PHACTR3: variants seen among roughly 807,000 people sequenced by gnomAD.
PHACTR3 encodes the protein phosphatase and actin regulator 3, also known as protein phosphatase 1, regulatory subunit 123.
A neutral mutation model predicts 66.8 loss-of-function variants in PHACTR3; 16 were observed. The observed-to-expected ratio is 0.24, with a 90% CI of 0.16 to 0.36. PHACTR3 has a LOEUF of 0.36. PHACTR3 is among the 10% of genes least tolerant of loss of function. The pLI is 1.00. For missense variants in PHACTR3, 647 were observed against 719.9 expected (o/e 0.90, Z 1.16); for synonymous variants, 323 against 292.1 (o/e 1.11, Z -1.08).
intron 8 of PHACTR3, among the ~76,000 whole-genome samples, chr20:59,819,250 G>C (rs2047341122): frequency 6.6e-6 from 1 of 150,744 alleles, no homozygotes; most frequent in South Asian, 2.2e-4. Context: ...CCCACAGGCA[G>C]ATAAGAGGAA....
Position 59,782,290 on chromosome 20 carries a change from T to A in PHACTR3, c.1174+7800T>A, listed in dbSNP as rs546237583. ...TTTCTAAGACAGAGTCTTGCTCTGTTGCCCAGGCTGGAGTATCGTGGCACG... is the reference window on the plus strand; with the variant it reads ...TTTCTAAGACAGAGTCTTGCTCTGTAGCCCAGGCTGGAGTATCGTGGCACG... On this transcript the variant is annotated intron_variant, in intron 7 of 12. Transcript: ENST00000371015. 7.1e-3 allele frequency among the ~76,000 whole-genome samples: 1,076 copies of A among 152,304 alleles called. 15 individuals carry two copies. Among genetic ancestry groups the A allele is most frequent in the African/African-American group, 0.025 (1,035 of 41,538 alleles).
intron 1 of PHACTR3, among the ~76,000 whole-genome samples, chr20:59,616,964 T>G (rs1188566939): frequency 6.6e-6 from 1 of 152,184 alleles, no homozygotes; most frequent in Non-Finnish European, 1.5e-5. Flanking sequence ...CCCGCTCGCT[T>G]CCCCGTTGGG....
chr20:59,839,643 C>T (rs900572928), intron 9 of PHACTR3, among the ~76,000 whole-genome samples: 4 of 152,246 alleles, frequency 2.6e-5, no homozygotes, highest in East Asian at 1.9e-4. Flanking sequence ...TCAGCACTTT[C>T]GTCTATTTTT....
chr20:59,809,466 A>G (rs2041670570), intron 8 of PHACTR3, among the ~76,000 whole-genome samples: 1 of 151,946 alleles, frequency 6.6e-6, no homozygotes, highest in Non-Finnish European at 1.5e-5. Flanking sequence ...TTCAGCGTTT[A>G]TCAGCTTTTT....
At chr20:59,847,067 G>A in intron 12 of PHACTR3, 48 bp from the exon 13 acceptor site, 2 of 1,370,214 alleles carry the variant, frequency 1.5e-6, no homozygotes, top group Non-Finnish European at 1.0e-6. Context: ...TATTTTAACT[G>A]CTAGAAATGA....
intron 10 of PHACTR3, among the ~76,000 whole-genome samples, 197 bp from the exon 11 acceptor site, chr20:59,841,191 TGGAGGAA>T (rs909612270): frequency 6.6e-6 from 1 of 152,164 alleles, no homozygotes; most frequent in Non-Finnish European, 1.5e-5. Context: ...TAAAATATGT[TGGAGGAA>T]GGGGGATTGT....
chr20:59,581,455 A>G (rs769686701), intron 1 of PHACTR3, among the ~76,000 whole-genome samples: 1 of 152,120 alleles, frequency 6.6e-6, no homozygotes, highest in South Asian at 2.1e-4. Context: ...CATTTTTCTC[A>G]CCACTTAGTC....
chr20:59,747,436 G>C (rs1366631349), intron 2 of PHACTR3, among the ~76,000 whole-genome samples: 1 of 152,238 alleles, frequency 6.6e-6, no homozygotes, highest in Non-Finnish European at 1.5e-5. Flanking sequence ...GGAACATTTG[G>C]TGAAGGGCAG....
intron 3 of PHACTR3, among the ~76,000 whole-genome samples, chr20:59,752,265 G>A (rs1175445280): frequency 6.6e-6 from 1 of 152,228 alleles, no homozygotes; most frequent in Non-Finnish European, 1.5e-5. Flanking sequence ...CGACACACGT[G>A]TGTGCCTGCG....
rs1037179228 is a variant in PHACTR3 at position 59,606,760 on chromosome 20, G to A, written c.118+1628G>A. On this transcript the variant is annotated intron_variant, in intron 1 of 12. Transcript: ENST00000371015. Reference sequence around the variant, plus strand: ...TGGGTGGGAGCGGAGGGTTGGGCAGGTGGTGCCGGTCCATGAGAGAAGGAG... The same window carrying A: ...TGGGTGGGAGCGGAGGGTTGGGCAGATGGTGCCGGTCCATGAGAGAAGGAG... Among the ~76,000 whole-genome samples the A allele has an allele frequency of 4.6e-5, 7 of 152,294 alleles. No individual in the cohort carries two copies. The South Asian group carries it at 1.0e-3, about 23-fold the overall frequency.
At chr20:59,819,534 G>A (rs1487584806) in intron 8 of PHACTR3, among the ~76,000 whole-genome samples, 9 of 142,692 alleles carry the variant, frequency 6.3e-5, no homozygotes, top group Middle Eastern at 3.3e-3. Context: ...AGACCCTGTC[G>A]TTAAAAAAAA....
At chr20:59,632,992 C>T (rs992220517) in intron 1 of PHACTR3, among the ~76,000 whole-genome samples, 3 of 152,210 alleles carry the variant, frequency 2.0e-5, no homozygotes, top group Non-Finnish European at 1.5e-5. Context: ...TTTGCACTTC[C>T]GTCCCCCACC....
intron 1 of PHACTR3, among the ~76,000 whole-genome samples, chr20:59,629,647 T>G (rs1274746824): frequency 6.6e-6 from 1 of 152,326 alleles, no homozygotes; most frequent in East Asian, 1.9e-4. Context: ...CCCCAGAAGA[T>G]CTGGAGGCTT....
chr20:59,609,187 C>A (rs2033772836), intron 1 of PHACTR3, among the ~76,000 whole-genome samples: 1 of 152,178 alleles, frequency 6.6e-6, no homozygotes, highest in African/African-American at 2.4e-5. Flanking sequence ...GAGAGGGAGA[C>A]CCTCTCAGAG....
chr20:59,705,375 T>C (rs2037666303), intron 1 of PHACTR3, among the ~76,000 whole-genome samples: 1 of 152,190 alleles, frequency 6.6e-6, no homozygotes, highest in South Asian at 2.1e-4. Flanking sequence ...TTTGCATTGG[T>C]TATTGCAGAT....
At chr20:59,619,506 G>A (rs953426336) in intron 1 of PHACTR3, among the ~76,000 whole-genome samples, 6 of 152,054 alleles carry the variant, frequency 3.9e-5, no homozygotes, top group Non-Finnish European at 8.8e-5. Flanking sequence ...TCCCCTTGAG[G>A]GAAGATGAGA....
intron 1 of PHACTR3, among the ~76,000 whole-genome samples, chr20:59,649,831 T>C (rs914527640): frequency 1.1e-4 from 17 of 152,174 alleles, no homozygotes; most frequent in African/African-American, 4.1e-4. Flanking sequence ...GACCTCATAA[T>C]GTGGTTTTAA....
chr20:59,698,308 G>A (rs2037374390), intron 1 of PHACTR3, among the ~76,000 whole-genome samples: 1 of 152,100 alleles, frequency 6.6e-6, no homozygotes, highest in African/African-American at 2.4e-5. Context: ...GAGAGAGAGG[G>A]GCAGGGAGAT....
intron 1 of PHACTR3, among the ~76,000 whole-genome samples, chr20:59,627,421 C>G (rs1280351258): frequency 6.6e-6 from 1 of 152,170 alleles, no homozygotes; most frequent in African/African-American, 2.4e-5. Flanking sequence ...TGGGATGAGA[C>G]AGAAGAGTCC....
Sources: allele counts gnomAD v4.1 joint callset (sites outside exome capture counted in the v4.1 genomes callset), GRCh38; gene constraint gnomAD v4.1.1; transcripts MANE v1.5; gene names NCBI Gene and HGNC (gene_info 2026-07-23, HGNC 2026-07-21).